ESRRG: variants seen among roughly 807,000 people sequenced by gnomAD.
The protein encoded by ESRRG is estrogen related receptor gamma.
A neutral mutation model predicts 44.0 loss-of-function variants in ESRRG; 13 were observed. The observed-to-expected ratio is 0.30, with a 90% confidence interval of 0.19 to 0.47. The LOEUF (loss-of-function observed/expected upper bound fraction) is 0.47, where lower values mean the gene tolerates loss of function less well. ESRRG is among the 20% of genes least tolerant of loss of function. The pLI is 1.00. For synonymous variants in ESRRG, 215 were observed against 214.6 expected (o/e 1.00, Z -0.02); for missense variants, 395 against 580.6 (o/e 0.68, Z 3.29).
At chr1:217,056,358 G>A (rs1242425349) in intron 1 of ESRRG, among the ~76,000 whole-genome samples, 2 of 151,864 alleles carry the variant, frequency 1.3e-5, no homozygotes, top group Non-Finnish European at 1.5e-5. Flanking sequence ...TATTTTTATA[G>A]GTCACCATAT....
At chr1:216,817,072 A>C (rs571602079) in intron 2 of ESRRG, among the ~76,000 whole-genome samples, 13 of 151,626 alleles carry the variant, frequency 8.6e-5, no homozygotes, top group East Asian at 7.7e-4. Flanking sequence ...AAAAAAAAAA[A>C]CACAGGTTTT....
At chr1:216,801,694 C>T (rs766972218) in intron 2 of ESRRG, among the ~76,000 whole-genome samples, 4 of 152,086 alleles carry the variant, frequency 2.6e-5, no homozygotes, top group East Asian at 1.9e-4. Context: ...TGATTAGTGA[C>T]GTTGAGTACC....
intron 1 of ESRRG, among the ~76,000 whole-genome samples, chr1:217,122,031 C>T (rs914421618): frequency 1.3e-5 from 2 of 152,162 alleles, no homozygotes; most frequent in African/African-American, 2.4e-5. Flanking sequence ...GCAAATGACA[C>T]AACACCTTAG....
chr1:216,722,259 A>C (rs2086502449), intron 1 of ESRRG, among the ~76,000 whole-genome samples: 2 of 152,220 alleles, frequency 1.3e-5, no homozygotes, highest in African/African-American at 4.8e-5. Context: ...GTGAAAGCAA[A>C]GCAATATAAC....
chr1:216,656,102 C>T (rs991143133), intron 2 of ESRRG, among the ~76,000 whole-genome samples: 11 of 152,126 alleles, frequency 7.2e-5, no homozygotes, highest in African/African-American at 2.7e-4. Context: ...TTTCCAATAG[C>T]AACTATGGGC....
At chr1:216,562,066 T>A (rs535844030) in intron 5 of ESRRG, among the ~76,000 whole-genome samples, 1 of 152,312 alleles carries the variant, frequency 6.6e-6, no homozygotes, top group South Asian at 2.1e-4. Context: ...CGGACCTACA[T>A]ATTTATCACT....
intron 1 of ESRRG, among the ~76,000 whole-genome samples, chr1:216,990,824 G>T (rs2075575250): frequency 6.6e-6 from 1 of 152,178 alleles, no homozygotes; most frequent in Non-Finnish European, 1.5e-5. Flanking sequence ...GCTGTTAGTA[G>T]TTAAGTTTAG....
At chr1:217,019,970 C>G (rs2080039693) in intron 1 of ESRRG, among the ~76,000 whole-genome samples, 1 of 152,050 alleles carries the variant, frequency 6.6e-6, no homozygotes, top group Admixed American at 6.6e-5. Context: ...ACTTTTTTAC[C>G]TGAGGATCAG....
intron 1 of ESRRG, among the ~76,000 whole-genome samples, chr1:217,031,033 A>G (rs12750129): frequency 0.15 from 23,308 of 152,242 alleles, 2,334 homozygotes; most frequent in Non-Finnish European, 0.19. Context: ...TTGCACAGCC[A>G]TGCTCTAAAG....
chr1:217,111,971 T>C (rs1322735659), intron 1 of ESRRG, among the ~76,000 whole-genome samples: 2 of 152,264 alleles, frequency 1.3e-5, no homozygotes, highest in African/African-American at 4.8e-5. Flanking sequence ...CCTCTTATAA[T>C]GCAGCCAATG....
intron 1 of ESRRG, among the ~76,000 whole-genome samples, chr1:216,941,683 A>G (rs1048390000): frequency 6.6e-6 from 1 of 152,072 alleles, no homozygotes; most frequent in Non-Finnish European, 1.5e-5. Flanking sequence ...CCCCAGATAA[A>G]TCTCGTTTTA....
intron 1 of ESRRG, among the ~76,000 whole-genome samples, chr1:217,066,458 G>C (rs1308522757): frequency 1.3e-5 from 2 of 151,338 alleles, no homozygotes; most frequent in Non-Finnish European, 2.9e-5. Flanking sequence ...AGCCAGGATG[G>C]TCTCGATCTC....
intron 3 of ESRRG, among the ~76,000 whole-genome samples, chr1:216,636,964 T>C (rs191652780): frequency 2.6e-5 from 4 of 152,314 alleles, no homozygotes; most frequent in Admixed American, 2.6e-4. Flanking sequence ...AGCTTTATTT[T>C]TCTACACTAT....
At chr1:216,778,175 G>A (rs543253238) in intron 2 of ESRRG, among the ~76,000 whole-genome samples, 1 of 152,050 alleles carries the variant, frequency 6.6e-6, no homozygotes, top group African/African-American at 2.4e-5. Context: ...TGTTATTAGA[G>A]AGTGCTCCTA....
At chr1:216,955,679 C>T (rs1246776567) in intron 1 of ESRRG, among the ~76,000 whole-genome samples, 2 of 152,112 alleles carry the variant, frequency 1.3e-5, no homozygotes, top group African/African-American at 4.8e-5. Context: ...ATAAGACTTC[C>T]CTTTTCTCTG....
At chr1:216,568,399 T>A (rs954864210) in intron 3 of ESRRG, among the ~76,000 whole-genome samples, 1 of 152,208 alleles carries the variant, frequency 6.6e-6, no homozygotes, top group Non-Finnish European at 1.5e-5. Context: ...AGCCGCTATT[T>A]GGTGCTAGTA....
intron 1 of ESRRG, among the ~76,000 whole-genome samples, chr1:216,693,331 G>A (rs1332875884): frequency 6.6e-6 from 1 of 152,090 alleles, no homozygotes; most frequent in Non-Finnish European, 1.5e-5. Flanking sequence ...GGGGTCTTGC[G>A]ATGTTGGCCA....
intron 3 of ESRRG, among the ~76,000 whole-genome samples, chr1:216,616,812 G>T (rs981313047): frequency 2.0e-4 from 31 of 152,106 alleles, no homozygotes; most frequent in Non-Finnish European, 4.6e-4. Flanking sequence ...AAGCACAACG[G>T]GAGGAAAGAG....
chr1:216,881,237 T>C (rs887039745), intron 2 of ESRRG, among the ~76,000 whole-genome samples: 2 of 152,162 alleles, frequency 1.3e-5, no homozygotes, highest in Admixed American at 1.3e-4. Context: ...CAGGATATTC[T>C]CCAGATGTAT....
Sources: gnomAD v4.1 joint callset for allele counts (sites outside exome capture counted in the v4.1 genomes callset) on GRCh38, gnomAD v4.1.1 for gene constraint, MANE v1.5 for transcripts, NCBI Gene and HGNC (gene_info 2026-07-23, HGNC 2026-07-21) for gene names.